Variants in RGS6 observed in about 807,000 individuals in gnomAD.
RGS6 encodes the protein regulator of G-protein signaling 6.
RGS6 carries 30 observed loss-of-function variants against 78.5 expected under a neutral mutation model. That is an observed-to-expected ratio of 0.38 (90% CI 0.29 to 0.52). The LOEUF (loss-of-function observed/expected upper bound fraction) is 0.52. RGS6 is among the 20% of genes least tolerant of loss of function. RGS6 has a pLI of 0.85. For missense variants in RGS6, 495 were observed against 609.7 expected (o/e 0.81, Z 1.98); for synonymous variants, 206 against 206.0 (o/e 1.00, Z 0.00).
chr14:72,219,099 T>C (rs1403394562), intron 2 of RGS6, among the ~76,000 whole-genome samples: 2 of 151,934 alleles, frequency 1.3e-5, no homozygotes, highest in African/African-American at 4.8e-5. Context: ...GATTCAGCCC[T>C]GTGCAGAAAA....
At chr14:72,048,689 A>AT (rs111722767) in intron 2 of RGS6, among the ~76,000 whole-genome samples, 6,143 of 150,458 alleles carry the variant, frequency 0.041, 184 homozygotes, top group African/African-American at 0.084. Context: ...CTTTTTGCAG[A>AT]TTTTTTTTTT....
chr14:72,047,407 G>T (rs531819412), intron 2 of RGS6, among the ~76,000 whole-genome samples: 64 of 152,208 alleles, frequency 4.2e-4, no homozygotes, highest in Middle Eastern at 3.4e-3. Context: ...CCCTTTTCCC[G>T]TGAGGACACT....
chr14:72,404,474 C>A (rs1159354810), intron 3 of RGS6, among the ~76,000 whole-genome samples: 2 of 152,184 alleles, frequency 1.3e-5, no homozygotes, highest in East Asian at 3.9e-4. Context: ...CCAGGGAAAC[C>A]CCTGATGCCA....
At chr14:72,541,371 T>G in intron 17 of RGS6, 2 of 1,407,146 alleles carry the variant, frequency 1.4e-6, no homozygotes, top group East Asian at 2.5e-5. Flanking sequence ...CATGTAAACC[T>G]CAAATAACTC....
At chr14:72,119,794 T>G (rs1293501882) in intron 2 of RGS6, among the ~76,000 whole-genome samples, 1 of 152,220 alleles carries the variant, frequency 6.6e-6, no homozygotes, top group African/African-American at 2.4e-5. Context: ...TATGTCCTAA[T>G]GGAAATGCAC....
intron 6 of RGS6, among the ~76,000 whole-genome samples, chr14:72,465,354 A>C (rs1256307563): frequency 6.6e-6 from 1 of 152,140 alleles, no homozygotes; most frequent in Non-Finnish European, 1.5e-5. Context: ...AGGAGGAAGA[A>C]GGGGAGTTGT....
chr14:72,152,247 T>A (rs1270776508), intron 2 of RGS6, among the ~76,000 whole-genome samples: 3,687 of 75,172 alleles, frequency 0.049, 34 homozygotes, highest in Middle Eastern at 0.083. Flanking sequence ...AGAGAGAGAG[T>A]GTGTGTGTGT....
chr14:72,177,767 T>C (rs2097125622), intron 2 of RGS6, among the ~76,000 whole-genome samples: 1 of 152,232 alleles, frequency 6.6e-6, no homozygotes, highest in Non-Finnish European at 1.5e-5. Context: ...GCATCAATAA[T>C]GGCTTAGTTG....
chr14:71,962,305 C>T (rs183121488), intron 1 of RGS6, among the ~76,000 whole-genome samples: 1 of 150,638 alleles, frequency 6.6e-6, no homozygotes. Context: ...AGAGGGAGGC[C>T]GGGCAGAGGG....
At chr14:72,117,930 C>G (rs1452222366) in intron 2 of RGS6, among the ~76,000 whole-genome samples, 1 of 152,132 alleles carries the variant, frequency 6.6e-6, no homozygotes, top group Non-Finnish European at 1.5e-5. Context: ...TCTCCTCTGC[C>G]CTGTGACCCA....
At chr14:72,501,469 C>T (rs1209133583) in intron 13 of RGS6, among the ~76,000 whole-genome samples, 1 of 152,074 alleles carries the variant, frequency 6.6e-6, no homozygotes, top group African/African-American at 2.4e-5. Context: ...GAGCTGTGAT[C>T]GCACCACTCC....
At chr14:72,020,664 T>A (rs144939099) in intron 2 of RGS6, among the ~76,000 whole-genome samples, 1 of 152,250 alleles carries the variant, frequency 6.6e-6, no homozygotes, top group African/African-American at 2.4e-5. Context: ...TTACTGAATA[T>A]GTTTTGTGTG....
upstream of RGS6, among the ~76,000 whole-genome samples, chr14:71,929,130 C>T (rs940373221): frequency 4.6e-5 from 7 of 152,160 alleles, no homozygotes; most frequent in African/African-American, 1.7e-4. Flanking sequence ...AAAACAAGAA[C>T]ACTCTACTAC....
chr14:72,199,770 A>G (rs549452674), intron 2 of RGS6, among the ~76,000 whole-genome samples: 2 of 152,334 alleles, frequency 1.3e-5, no homozygotes, highest in East Asian at 3.9e-4. Context: ...AAGTGGTGGA[A>G]GGATGTGTCT....
At chr14:72,444,060 C>T (rs10140753) in intron 3 of RGS6, among the ~76,000 whole-genome samples, 1,894 of 152,276 alleles carry the variant, frequency 0.012, 39 homozygotes, top group African/African-American at 0.044. Flanking sequence ...ACTAATCTCT[C>T]CTCCACCCCC....
chr14:72,324,854 C>A (rs1405476264), intron 2 of RGS6, among the ~76,000 whole-genome samples: 4 of 152,062 alleles, frequency 2.6e-5, no homozygotes, highest in Admixed American at 6.6e-5. Context: ...GATTTATAAT[C>A]CTTTGGGTAT....
intron 3 of RGS6, among the ~76,000 whole-genome samples, chr14:72,378,186 A>T (rs2085228465): frequency 6.6e-6 from 1 of 152,182 alleles, no homozygotes; most frequent in Non-Finnish European, 1.5e-5. Flanking sequence ...CAACATACCA[A>T]AACGTACGGG....
At chr14:72,391,608 T>TAC (rs1466076579) in intron 3 of RGS6, among the ~76,000 whole-genome samples, 6 of 152,212 alleles carry the variant, frequency 3.9e-5, no homozygotes, top group African/African-American at 1.2e-4. Context: ...TATATGTATA[T>TAC]ACACACACAC....
chr14:71,920,630 C>T, the RGS6 span, among the ~76,000 whole-genome samples: 9,199 of 97,902 alleles, frequency 0.094, 379 homozygotes, highest in Non-Finnish European at 0.14. Context: ...TGCGCACACG[C>T]GCGTGCACAC....
Sources: allele counts gnomAD v4.1 joint callset (sites outside exome capture counted in the v4.1 genomes callset), GRCh38; gene constraint gnomAD v4.1.1; transcripts MANE v1.5; gene names NCBI Gene and HGNC (gene_info 2026-07-23, HGNC 2026-07-21).